The following NOD1 variants were observed in gnomAD, a reference collection of about 807,000 sequenced individuals.
NOD1 encodes the protein nucleotide binding oligomerization domain containing 1.
NOD1 carries 70 observed loss-of-function variants against 81.2 expected under a neutral mutation model. The observed-to-expected ratio is 0.86, with a 90% CI of 0.71 to 1.05. NOD1 has a LOEUF of 1.05. Among genes scored for constraint, NOD1 ranks in the 50% least tolerant of loss-of-function variants. NOD1 has a pLI of 0.00. For missense variants in NOD1, 1,233 were observed against 1,228.0 expected, an observed-to-expected ratio of 1.00 and a Z score of -0.06; for synonymous variants, 508 against 526.9, an observed-to-expected ratio of 0.96 and a Z score of 0.49.
At chr7:30,456,675 T>G in intron 4 of NOD1, 46 bp downstream of exon 4, 1 of 1,550,884 alleles carries the variant, frequency 6.4e-7, no homozygotes, top group African/African-American at 1.5e-5. Flanking sequence ...CTCTTCTAGC[T>G]CCCGGGGTCC....
rs2907749 is a variant in NOD1 at position 30,446,125 on chromosome 7, A to G, written c.2453+16T>C. On this transcript the variant is annotated intron_variant, in intron 9 of 13. Coordinates refer to ENST00000222823, the MANE Select transcript of NOD1 (RefSeq NM_006092.4). ...ACAGCAGGTTGTACCACATACATCC[A>G]TCCCCTTCTACTCACCCAACCTCAG... 0.29 allele frequency: 467,823 copies of G among 1,592,430 alleles called. 72,342 individuals carry two copies. Among genetic ancestry groups the G allele is most frequent in the African/African-American group, 0.51 (37,731 of 74,546 alleles).
chr7:30,433,374 C>G (rs1253496880), intron 11 of NOD1, 195 bp from the exon 12 acceptor site: 7 of 568,512 alleles, frequency 1.2e-5, no homozygotes, highest in Non-Finnish European at 1.9e-5. Flanking sequence ...ATTTTTAATG[C>G]AAATCCTGTA....
At chr7:30,433,052 T>C (rs995349798) in intron 12 of NOD1, 44 bp downstream of exon 12, 14 of 1,429,386 alleles carry the variant, frequency 9.8e-6, no homozygotes, top group Non-Finnish European at 1.4e-5. Context: ...AAAAATACTT[T>C]TGAAAAGTAG....
intron 1 of NOD1, among the ~76,000 whole-genome samples, chr7:30,470,839 G>A (rs958226071): frequency 1.5e-4 from 23 of 152,196 alleles, no homozygotes; most frequent in Non-Finnish European, 3.4e-4. Flanking sequence ...GAGCCTTGAA[G>A]TGGAAACCGG....
At chr7:30,457,141 G>A (rs1178025315) in intron 3 of NOD1, 99 bp from the exon 4 acceptor site, 1 of 560,364 alleles carries the variant, frequency 1.8e-6, no homozygotes, top group Non-Finnish European at 3.2e-6. Context: ...GAGCAGGAAG[G>A]AACCATGCTT....
intron 1 of NOD1, among the ~76,000 whole-genome samples, chr7:30,477,577 C>A (rs1259896504): frequency 6.6e-6 from 1 of 152,116 alleles, no homozygotes; most frequent in Non-Finnish European, 1.5e-5. Context: ...CGCAACAGGG[C>A]GATCTCGGCT....
rs1785913404 is a variant in NOD1 at position 30,452,736 on chromosome 7, C to T, written c.681G>A (p.Gly227=). The change falls in exon 6 of 14, where the codon GGG becomes GGA. Residue 227 remains glycine (G), a synonymous_variant. Coordinates refer to ENST00000222823, the MANE Select transcript of NOD1 (RefSeq NM_006092.4). ...AGCGAAAGTGGAAGAAGAATTTGAC[C>T]CCTGCGTCTAGCCGGCCCGTGGCCC... ...SLWATGRLDA[G]VKFFFHFRCR... 1 of 1,613,996 alleles carries T rather than the reference C, an allele frequency of 6.2e-7. No homozygotes were observed. Among genetic ancestry groups the T allele is most frequent in the East Asian group, 2.2e-5 (1 of 44,888 alleles).
At chr7:30,437,141 G>A (rs1784444390) in intron 10 of NOD1, among the ~76,000 whole-genome samples, 1 of 151,948 alleles carries the variant, frequency 6.6e-6, no homozygotes, top group Admixed American at 6.6e-5. Flanking sequence ...ACCAAACACT[G>A]CATGTTCTCA....
chr7:30,439,353 T>A (rs1448233092), intron 9 of NOD1, among the ~76,000 whole-genome samples: 1 of 142,038 alleles, frequency 7.0e-6, no homozygotes, highest in Admixed American at 6.9e-5. Flanking sequence ...ACCGGGTTCA[T>A]CTCACTAGGG....
intron 13 of NOD1, among the ~76,000 whole-genome samples, chr7:30,426,237 C>A (rs1783442120): frequency 6.6e-6 from 1 of 152,064 alleles, no homozygotes; most frequent in Non-Finnish European, 1.5e-5. Flanking sequence ...ACCTGCTTGG[C>A]ATCCTCACTT....
chr7:30,450,870 A>G (rs1785617677), intron 6 of NOD1, among the ~76,000 whole-genome samples: 1 of 152,244 alleles, frequency 6.6e-6, no homozygotes. Context: ...TGTAAAGAGC[A>G]TTCCATTAGG....
Position 30,439,347 on chromosome 7 carries a change from G to A in NOD1, c.2454-1691C>T, listed in dbSNP as rs962162399. Among the ~76,000 whole-genome samples, 5 of 142,848 alleles carry A rather than the reference G, an allele frequency of 3.5e-5. 1 individual carries two copies. The highest frequency in any genetic ancestry group is 1.5e-4 in the African/African-American group (5 of 34,328). 93.7% of individuals were successfully genotyped at this position (142,848 alleles called of 152,430 possible). On this transcript the variant is annotated intron_variant, in intron 9 of 13. Transcript: ENST00000222823. ...TTCTGCATTTCCATCTGAGGTACCG[G>A]GTTCATCTCACTAGGGAGCGCCAGA...
intron 1 of NOD1, chr7:30,460,539 A>T (rs1786931262): frequency 6.1e-6 from 6 of 985,286 alleles, no homozygotes; most frequent in African/African-American, 1.7e-5. Flanking sequence ...AGCTCCAGGG[A>T]TACCCAAAGG....
chr7:30,439,176 T>C (rs1355675820), intron 9 of NOD1, among the ~76,000 whole-genome samples: 2 of 152,150 alleles, frequency 1.3e-5, no homozygotes, highest in African/African-American at 2.4e-5. Context: ...ATGATGATTC[T>C]TCAAAAAATT....
intron 9 of NOD1, among the ~76,000 whole-genome samples, chr7:30,437,900 C>T (rs1472203366): frequency 1.3e-5 from 2 of 152,216 alleles, no homozygotes; most frequent in Non-Finnish European, 2.9e-5. Flanking sequence ...CAGAGGCCAT[C>T]GGCAAGTGGC....
chr7:30,450,535 A>T (rs1240592003), intron 6 of NOD1, among the ~76,000 whole-genome samples: 1 of 152,222 alleles, frequency 6.6e-6, no homozygotes, highest in Non-Finnish European at 1.5e-5. Context: ...TTTCCCGTAA[A>T]CTATGGAACA....
chr7:30,462,775 C>A (rs187510346), intron 1 of NOD1, among the ~76,000 whole-genome samples: 1 of 151,794 alleles, frequency 6.6e-6, no homozygotes, highest in East Asian at 1.9e-4. Context: ...ATTGTGAAAC[C>A]CTGTCTCCAC....
rs1407019652 is a variant in NOD1, at chr7:30,456,754, C to A, written c.168G>T (p.Glu56Asp). ...KNDYFSAEDA[E>D]IVCACPTQPD... ...GCTGGGTGGGGCAGGCACACACAAT[C>A]TCCGCATCTTCGGCCGAGAAGTAGT... The change falls in exon 4 of 14, where the codon GAG (glutamate) becomes GAT (aspartate). Residue 56 changes from glutamate to aspartate, a missense_variant. Coordinates refer to ENST00000222823, the MANE Select transcript of NOD1 (RefSeq NM_006092.4). 1 of 1,614,030 alleles carries A rather than the reference C, an allele frequency of 6.2e-7. No individual in the cohort carries two copies. Among genetic ancestry groups the A allele is most frequent in the Admixed American group, 1.7e-5 (1 of 60,008 alleles).
chr7:30,450,519 GCT>G (rs377455939), intron 6 of NOD1, among the ~76,000 whole-genome samples: 4 of 152,290 alleles, frequency 2.6e-5, no homozygotes, highest in African/African-American at 9.6e-5. Context: ...AACAGACTGG[GCT>G]CTGTTTCCCG....
Sources: gnomAD v4.1 joint callset for allele counts (sites outside exome capture counted in the v4.1 genomes callset) on GRCh38, gnomAD v4.1.1 for gene constraint, MANE v1.5 for transcripts, NCBI Gene and HGNC (gene_info 2026-07-23, HGNC 2026-07-21) for gene names.